MRTFB: variants seen among roughly 807,000 people sequenced by gnomAD.
MRTFB encodes the protein myocardin-related transcription factor B.
Under a neutral mutation model 104.2 loss-of-function variants are expected in MRTFB, and 29 were observed. The ratio of observed to expected loss-of-function variants is 0.28; its 90% CI spans 0.21 to 0.38. MRTFB has a LOEUF of 0.38. MRTFB is among the 10% of genes least tolerant of loss of function. The pLI is 1.00. For missense variants in MRTFB, 1,270 were observed against 1,341.6 expected (o/e 0.95, Z 0.83); for synonymous variants, 535 against 519.5 (o/e 1.03, Z -0.41).
At chr16:14,200,389 A>G in intron 3 of MRTFB, 1 of 1,607,888 alleles carries the variant, frequency 6.2e-7, no homozygotes, top group East Asian at 2.2e-5. Flanking sequence ...ATGACACTAA[A>G]GATGTTTCAC....
intron 15 of MRTFB, among the ~76,000 whole-genome samples, chr16:14,257,357 A>G (rs899299582): frequency 2.6e-5 from 4 of 152,222 alleles, no homozygotes; most frequent in Admixed American, 6.5e-5. Context: ...CCACAAGTCA[A>G]TGAATAAACA....
chr16:14,187,389 A>G lies in MRTFB; in HGVS notation c.155-22854A>G, dbSNP rs913096984. The stretch of plus-strand genomic sequence containing the variant: ...CATTTCCTTTTTTATGTTAGTGAGA[A>G]CACTGCTTCTTTTAGGTTTCCAAAC... On this transcript the variant is annotated intron_variant, in intron 3 of 16. Coordinates refer to ENST00000571589, the MANE Select transcript of MRTFB (RefSeq NM_001308142.2). Among the ~76,000 whole-genome samples the G allele has an allele frequency of 5.3e-5, 8 of 152,278 alleles. No individual in the cohort carries two copies. In the East Asian group the frequency reaches 1.3e-3, roughly 26 times the overall value.
At chr16:14,254,887 A>G (rs1226783143) in intron 15 of MRTFB, among the ~76,000 whole-genome samples, 3 of 152,266 alleles carry the variant, frequency 2.0e-5, no homozygotes, top group Non-Finnish European at 4.4e-5. Context: ...AAGGTTTTCA[A>G]AGCAACTACT....
chr16:14,006,650 T>C, the MRTFB span, among the ~76,000 whole-genome samples: 1 of 152,248 alleles, frequency 6.6e-6, no homozygotes, highest in Non-Finnish European at 1.5e-5. Context: ...AACAATAGTA[T>C]TGTTTGCATG....
At chr16:14,238,508 A>G (rs1443003360) in intron 9 of MRTFB, among the ~76,000 whole-genome samples, 1 of 152,154 alleles carries the variant, frequency 6.6e-6, no homozygotes, top group African/African-American at 2.4e-5. Context: ...AGAGATTGGG[A>G]TGCTGGGAAG....
rs981323641 is a variant in MRTFB at position 14,147,975 on chromosome 16, A to G, written c.154+7215A>G. ...ACTTAACATTTTAGACAACTTTTCT[A>G]TAGTTACTGAAGTCACAGAAGTACA... On this transcript the variant is annotated intron_variant, in intron 3 of 16. Transcript: ENST00000571589. 3.9e-5 allele frequency among the ~76,000 whole-genome samples: 6 copies of G among 152,320 alleles called. No homozygotes were observed. The East Asian group carries it at 7.7e-4, about 20-fold the overall frequency.
intron 2 of MRTFB, among the ~76,000 whole-genome samples, chr16:14,108,042 A>G (rs535826823): frequency 2.0e-5 from 3 of 152,330 alleles, no homozygotes; most frequent in Non-Finnish European, 4.4e-5. Context: ...TCCAGGCCAC[A>G]GCAGTGGACT....
At chr16:14,199,918 A>G (rs2040606416) in intron 3 of MRTFB, 1 of 181,234 alleles carries the variant, frequency 5.5e-6, no homozygotes, top group Non-Finnish European at 1.2e-5. Context: ...TATTTATATT[A>G]TTTGACATGA....
the MRTFB span, among the ~76,000 whole-genome samples, chr16:14,023,677 C>G: frequency 0.12 from 17,589 of 148,972 alleles, 1,599 homozygotes; most frequent in African/African-American, 0.25. Context: ...GTGTGTGTGT[C>G]TATATATATA....
intron 3 of MRTFB, chr16:14,144,578 A>C (rs2142662980): frequency 6.6e-6 from 1 of 152,336 alleles, no homozygotes; most frequent in South Asian, 2.1e-4. Context: ...AATAGTAAAC[A>C]TTTGAAATAA....
the MRTFB span, among the ~76,000 whole-genome samples, chr16:14,054,880 G>A: frequency 1.3e-5 from 2 of 152,146 alleles, no homozygotes; most frequent in African/African-American, 4.8e-5. Flanking sequence ...AACCCTATCA[G>A]CAGTAAACAG....
chr16:14,242,192 T>A (rs564536992), intron 10 of MRTFB, among the ~76,000 whole-genome samples: 2 of 152,082 alleles, frequency 1.3e-5, no homozygotes, highest in South Asian at 4.1e-4. Context: ...GTCTTTTCTG[T>A]AATGAAAGAA....
intron 8 of MRTFB, among the ~76,000 whole-genome samples, chr16:14,219,882 AGAGC>A (rs2041606514): frequency 6.6e-6 from 1 of 152,202 alleles, no homozygotes; most frequent in Admixed American, 6.5e-5. Context: ...AAGGGGAGAG[AGAGC>A]AAGTATATTT....
chr16:14,000,529 A>T, the MRTFB span, among the ~76,000 whole-genome samples: 1 of 152,196 alleles, frequency 6.6e-6, no homozygotes, highest in African/African-American at 2.4e-5. Context: ...ATTTTCCCCA[A>T]ATCACACAGC....
chr16:14,140,223 C>A (rs1028418115), intron 2 of MRTFB, among the ~76,000 whole-genome samples: 12 of 152,218 alleles, frequency 7.9e-5, no homozygotes, highest in African/African-American at 2.7e-4. Context: ...TTATTTTCAT[C>A]AGCATTTGTT....
At chr16:14,064,353 T>G in the MRTFB span, among the ~76,000 whole-genome samples, 4 of 152,188 alleles carry the variant, frequency 2.6e-5, no homozygotes, top group Non-Finnish European at 5.9e-5. Flanking sequence ...AAGTTCCTTA[T>G]AGATTTTGGA....
At chr16:14,203,999 T>G (rs1036907760) in intron 3 of MRTFB, among the ~76,000 whole-genome samples, 2 of 152,118 alleles carry the variant, frequency 1.3e-5, no homozygotes, top group Non-Finnish European at 1.5e-5. Context: ...CTTGCTCTAT[T>G]GCCCAGGCTT....
At chr16:14,023,863 C>A in the MRTFB span, among the ~76,000 whole-genome samples, 5 of 152,156 alleles carry the variant, frequency 3.3e-5, no homozygotes, top group East Asian at 7.7e-4. Flanking sequence ...CCAGCCTGGC[C>A]AACAGGGTGA....
intron 3 of MRTFB, among the ~76,000 whole-genome samples, chr16:14,203,711 C>G (rs888067097): frequency 2.2e-5 from 3 of 137,550 alleles, no homozygotes; most frequent in Middle Eastern, 7.6e-3. Flanking sequence ...AGCTGAGGCA[C>G]AAGAATCACT....
Sources: allele counts gnomAD v4.1 joint callset (sites outside exome capture counted in the v4.1 genomes callset), GRCh38; gene constraint gnomAD v4.1.1; transcripts MANE v1.5; gene names NCBI Gene and HGNC (gene_info 2026-07-23, HGNC 2026-07-21).